The following HDAC4 variants were observed in gnomAD, a reference collection of about 807,000 sequenced individuals.
HDAC4 encodes histone deacetylase 4, also known as histone deacetylase A.
HDAC4 carries 16 observed loss-of-function variants against 135.1 expected under a neutral mutation model. The observed-to-expected ratio is 0.12, with a 90% CI of 0.08 to 0.18. HDAC4 has a LOEUF of 0.18. HDAC4 is among the 10% of genes least tolerant of loss of function. The pLI is 1.00. For synonymous variants in HDAC4, 685 were observed against 653.4 expected (o/e 1.05, Z -0.74); for missense variants, 1,143 against 1,511.8 (o/e 0.76, Z 4.05).
At chr2:239,161,656 G>C in intron 6 of HDAC4, 1 of 242,658 alleles carries the variant, frequency 4.1e-6, no homozygotes, top group East Asian at 1.2e-4. Context: ...CCTCCAGCCT[G>C]AAGGTCCCCA....
intron 22 of HDAC4, among the ~76,000 whole-genome samples, chr2:239,075,995 G>A (rs1433398322): frequency 6.6e-6 from 1 of 151,014 alleles, no homozygotes; most frequent in African/African-American, 2.4e-5. Context: ...GAGCTGGGCT[G>A]GGATAGCAGT....
chr2:239,234,910 G>A (rs1207444341), intron 3 of HDAC4, among the ~76,000 whole-genome samples: 10 of 151,964 alleles, frequency 6.6e-5, no homozygotes, highest in African/African-American at 1.7e-4. Context: ...TCTTACCCTC[G>A]TGCCACGCCT....
chr2:239,380,387 T>C (rs1487941047), intron 1 of HDAC4, among the ~76,000 whole-genome samples: 1 of 152,248 alleles, frequency 6.6e-6, no homozygotes, highest in Non-Finnish European at 1.5e-5. Context: ...ATATTGATAA[T>C]ATAGACATAT....
chr2:239,223,723 G>A (rs960960620), intron 3 of HDAC4, among the ~76,000 whole-genome samples: 1 of 152,042 alleles, frequency 6.6e-6, no homozygotes, highest in Non-Finnish European at 1.5e-5. Context: ...CCTTGCTGCT[G>A]GCTGTGGAGG....
chr2:239,292,071 G>A (rs1321768710), intron 2 of HDAC4, among the ~76,000 whole-genome samples: 2 of 151,768 alleles, frequency 1.3e-5, no homozygotes, highest in East Asian at 1.9e-4. Context: ...CACACCAGGG[G>A]CTGCGCGCAC....
intron 13 of HDAC4, among the ~76,000 whole-genome samples, chr2:239,113,184 A>G (rs1247449342): frequency 2.0e-5 from 3 of 152,230 alleles, no homozygotes; most frequent in Non-Finnish European, 4.4e-5. Context: ...CAGGAGGCGG[A>G]GGCTGTAGTG....
At chr2:239,211,382 G>A (rs2046347434) in intron 3 of HDAC4, among the ~76,000 whole-genome samples, 1 of 152,194 alleles carries the variant, frequency 6.6e-6, no homozygotes, top group Non-Finnish European at 1.5e-5. Flanking sequence ...TCTCCTGGGG[G>A]CCGAAAGTCC....
Position 239,095,050 on chromosome 2 carries a change from A to G in HDAC4, c.2240T>C (p.Leu747Pro). The change falls in exon 17 of 27, where the codon CTC (leucine) becomes CCC (proline). Residue 747 changes from leucine to proline, a missense_variant. Coordinates refer to ENST00000543185, the MANE Select transcript of HDAC4 (RefSeq NM_001378414.1). ...KLDSKKLLGS[L>P]ASVFVRLPCG... is the part of the protein sequence containing the mutation. ...AGGGAGCCGGACGAACACGGAGGCG[A>G]GCGAGCCTGTGGGGGGGAGGGAGAC... 1 of 1,613,706 alleles carries G rather than the reference A, an allele frequency of 6.2e-7. No individual in the cohort carries two copies. The highest frequency in any genetic ancestry group is 8.5e-7 in the Non-Finnish European group (1 of 1,179,974).
Position 239,080,963 on chromosome 2 carries a change from C to G in HDAC4, c.2750+132G>C, listed in dbSNP as rs2035257806. On this transcript the variant is annotated intron_variant, in intron 22 of 26. Transcript: ENST00000543185. ...CACTGAAGAATGAACTGAGACAGCTCCTCCGGACCCCACAGCCCCGTTCAG... is the reference window on the plus strand; with the variant it reads ...CACTGAAGAATGAACTGAGACAGCTGCTCCGGACCCCACAGCCCCGTTCAG... 4 of 670,030 alleles carry G rather than the reference C, an allele frequency of 6.0e-6. No individual in the cohort carries two copies. In the South Asian group the frequency reaches 7.1e-5, roughly 12 times the overall value. The allele number at this position is 670,030 out of a possible 1,614,324, so 41.5% of individuals were successfully genotyped here.
At position 239,167,159 on chromosome 2, in the gene HDAC4, C is replaced by G. The variant is rs1265570679; in HGVS notation, c.491-3236G>C. Among the ~76,000 whole-genome samples, 33 of 152,206 alleles carry G rather than the reference C, an allele frequency of 2.2e-4. No homozygotes were observed. Among genetic ancestry groups the G allele is most frequent in the African/African-American group, 7.5e-4 (31 of 41,534 alleles). On this transcript the variant is annotated intron_variant, in intron 5 of 26. Transcript: ENST00000543185. The surrounding 1 kb of genome is among the most constrained non-coding windows in gnomAD (Gnocchi z 4.1). Reference sequence around the variant, plus strand: ...GGACGAGGACGCCCTCAACACTTTCCAGTAGACCCAAACTCAGTGCAGTCA... The same window carrying G: ...GGACGAGGACGCCCTCAACACTTTCGAGTAGACCCAAACTCAGTGCAGTCA...
chr2:239,259,559 G>A (rs1024756016), intron 2 of HDAC4, among the ~76,000 whole-genome samples: 17 of 152,228 alleles, frequency 1.1e-4, no homozygotes, highest in East Asian at 1.9e-4. Context: ...GGGAAGCAGC[G>A]AAAGCCATGC....
chr2:239,080,129 AAC>A (rs759055206), intron 22 of HDAC4, among the ~76,000 whole-genome samples: 1 of 147,826 alleles, frequency 6.8e-6, no homozygotes, highest in African/African-American at 2.7e-5. Flanking sequence ...GACCCACACA[AAC>A]ACACACACGC....
chr2:239,082,081 G>T, intron 21 of HDAC4, 21 bp downstream of exon 21: 1 of 1,613,566 alleles, frequency 6.2e-7, no homozygotes, highest in African/African-American at 1.3e-5. Flanking sequence ...CCCCCCAGAG[G>T]CCCTTATATA....
intron 2 of HDAC4, among the ~76,000 whole-genome samples, chr2:239,257,494 G>A (rs908537873): frequency 7.2e-5 from 11 of 152,098 alleles, no homozygotes; most frequent in Admixed American, 6.6e-4. Flanking sequence ...ACCGCCTCTT[G>A]CAGATATTAG....
At chr2:239,071,978 G>GC (rs2034248801) in intron 22 of HDAC4, among the ~76,000 whole-genome samples, 1 of 152,296 alleles carries the variant, frequency 6.6e-6, no homozygotes, top group African/African-American at 2.4e-5. Context: ...GCAGCTGGGG[G>GC]CTTCATCTTC....
At chr2:239,202,094 T>C (rs2045791044) in intron 3 of HDAC4, among the ~76,000 whole-genome samples, 1 of 152,134 alleles carries the variant, frequency 6.6e-6, no homozygotes, top group Non-Finnish European at 1.5e-5. Flanking sequence ...AACATTCTGA[T>C]GGAGAAGGCG....
intron 1 of HDAC4, among the ~76,000 whole-genome samples, chr2:239,359,197 G>C (rs1693703958): frequency 6.6e-6 from 1 of 152,214 alleles, no homozygotes; most frequent in South Asian, 2.1e-4. Flanking sequence ...AGAACTGTGT[G>C]ACAGCCCACG....
At chr2:239,277,706 T>C (rs549840576) in intron 2 of HDAC4, among the ~76,000 whole-genome samples, 40 of 152,294 alleles carry the variant, frequency 2.6e-4, no homozygotes, top group Non-Finnish European at 5.3e-4. Flanking sequence ...GGCTTGATAA[T>C]GTCTGCTTTG....
At position 239,298,271 on chromosome 2, in the gene HDAC4, G is replaced by C. The variant is rs1009183041; in HGVS notation, c.22+54407C>G. On this transcript the variant is annotated intron_variant, in intron 2 of 26. Coordinates refer to ENST00000543185, the MANE Select transcript of HDAC4 (RefSeq NM_001378414.1). ...TCCAGGCTTGACGACAGACTGGGCT[G>C]GTGCCCTGGACAAGCGGTGGCTTCC... The C allele has an allele frequency of 5.5e-6, 7 of 1,278,752 alleles. No individual in the cohort carries two copies. The African/African-American group carries it at 1.1e-4, about 20-fold the overall frequency. 79.2% of individuals were successfully genotyped at this position (1,278,752 alleles called of 1,614,324 possible).
Sources: allele counts gnomAD v4.1 joint callset (sites outside exome capture counted in the v4.1 genomes callset), GRCh38; gene constraint gnomAD v4.1.1; non-coding constraint Gnocchi (gnomAD v3.1); transcripts MANE v1.5; gene names NCBI Gene and HGNC (gene_info 2026-07-23, HGNC 2026-07-21).